DPP9: variants seen among roughly 807,000 people sequenced by gnomAD.
DPP9 encodes dipeptidyl peptidase IV-related protein-2.
A neutral mutation model predicts 110.7 loss-of-function variants in DPP9; 50 were observed. That is an observed-to-expected ratio of 0.45 (90% CI 0.36 to 0.57). The LOEUF is 0.57. DPP9 is among the 20% of genes least tolerant of loss of function. DPP9 has a pLI of 0.00. For missense variants in DPP9, 1,022 were observed against 1,217.9 expected, an observed-to-expected ratio of 0.84 and a Z score of 2.39; for synonymous variants, 561 against 514.4, an observed-to-expected ratio of 1.09 and a Z score of -1.23.
chr19:4,723,365 C>T (rs2093406570), intron 1 of DPP9, among the ~76,000 whole-genome samples: 1 of 152,156 alleles, frequency 6.6e-6, no homozygotes, highest in South Asian at 2.1e-4. Flanking sequence ...CGGCCACCTC[C>T]GGAAGGGGTC....
rs984810481 is a variant in DPP9 at position 4,689,600 on chromosome 19, G to A, written c.1719C>T (p.Pro573=). ...TCATGGAGCAGCTATGGGAGAAGCC[G>A]GGCGTGGTGAGGCGTACGATCTCGC... is the stretch of plus-strand genomic sequence containing the variant. ...AAGEIVRLTT[P]GFSHSCSMSQ... Residue 573 remains proline (P), a synonymous_variant, in exon 15 of 22, where the codon CCC becomes CCT. Transcript: ENST00000262960. The surrounding 1 kb of genome is among the most constrained non-coding windows in gnomAD (Gnocchi z 7.0). 19 of 1,572,118 alleles carry A rather than the reference G, an allele frequency of 1.2e-5. No individual in the cohort carries two copies. The highest frequency in any genetic ancestry group is 7.1e-5 in the East Asian group (3 of 42,476).
chr19:4,690,761 G>A (rs2091240952), intron 14 of DPP9, 117 bp downstream of exon 14: 1 of 836,234 alleles, frequency 1.2e-6, no homozygotes, highest in Admixed American at 2.1e-5. Flanking sequence ...GTGTATGTGT[G>A]AGAATGAGTA....
At position 4,704,329 on chromosome 19, in the gene DPP9, G is replaced by C; in HGVS notation, c.427-25C>G. 6.3e-7 allele frequency: 1 copy of C among 1,592,458 alleles called. No individual in the cohort carries two copies. The highest frequency in any genetic ancestry group is 8.6e-7 in the Non-Finnish European group (1 of 1,167,764). On this transcript the variant is annotated intron_variant, in intron 5 of 21. Transcript: ENST00000262960. This position sits in a 1 kb window ranked among gnomAD's most constrained non-coding sequence, Gnocchi z 6.0. The stretch of plus-strand genomic sequence containing the variant: ...CCTGGAAACATACAGGGGACAGGGG[G>C]CAGCGTCAGTGGGCAAAGAGGATCT...
chr19:4,692,349 G>A (rs1471315781), intron 13 of DPP9, among the ~76,000 whole-genome samples: 2 of 152,166 alleles, frequency 1.3e-5, no homozygotes, highest in South Asian at 2.1e-4. Context: ...TACGGCAAAC[G>A]TGTCTGTCAG....
rs767892851 is a variant in DPP9 at position 4,705,902 on chromosome 19, C to A, written c.382G>T (p.Ala128Ser). ...TGCTTCCAGGACAGGAGCAGCAGAG[C>A]CTCTTTCCGGACCTTCTTGGGAATC... Reference protein sequence around the residue: ...SEIPKKVRKEALLLLSWKQML... With the variant: ...SEIPKKVRKESLLLLSWKQML... Residue 128 changes from alanine to serine, a missense_variant, in exon 5 of 22, where the codon GCT becomes TCT. Physicochemically the swap from Ala to Ser is moderately conservative, Grantham distance 99. Coordinates refer to ENST00000262960, the MANE Select transcript of DPP9 (RefSeq NM_139159.5). 6.2e-7 allele frequency: 1 copy of A among 1,613,992 alleles called. No individual in the cohort carries two copies. The highest frequency in any genetic ancestry group is 8.5e-7 in the Non-Finnish European group (1 of 1,179,854).
rs1599924956 is a variant in DPP9 at position 4,704,772 on chromosome 19, G to A, written c.427-468C>T. Among the ~76,000 whole-genome samples the A allele has an allele frequency of 6.6e-6, 1 of 152,280 alleles. No homozygotes were observed. Among genetic ancestry groups the A allele is most frequent in the East Asian group, 1.9e-4 (1 of 5,182 alleles). On this transcript the variant is annotated intron_variant, in intron 5 of 21. Coordinates refer to ENST00000262960, the MANE Select transcript of DPP9 (RefSeq NM_139159.5). The surrounding 1 kb of genome is among the most constrained non-coding windows in gnomAD (Gnocchi z 6.0). ...TCCCAGCACTTTGGGAGGCCGAGGT[G>A]GGCAGATCACGAGGTCAGAAATTCG...
chr19:4,709,464 C>T (rs778052903), intron 4 of DPP9, among the ~76,000 whole-genome samples: 13 of 152,094 alleles, frequency 8.5e-5, no homozygotes, highest in Non-Finnish European at 1.8e-4. Context: ...AGCAAAAGAA[C>T]GCAAGTGCTG....
rs1451173537 is a variant in DPP9, at chr19:4,714,221, T to C, written c.173A>G (p.His58Arg). The change falls in exon 4 of 22, where the codon CAC (histidine) becomes CGC (arginine). Residue 58 changes from histidine to arginine, a missense_variant. Physicochemically the swap from His to Arg is conservative, Grantham distance 29. Transcript: ENST00000262960. ...DPAARFQVQK[H>R]SWDGLRSIIH... ...GATGCTCCGGAGCCCGTCCCACGAG[T>C]GCTTCTGCACCTGGAAGCGGGCGGC... The C allele has an allele frequency of 2.5e-6, 4 of 1,603,358 alleles. No homozygotes were observed. Among genetic ancestry groups the C allele is most frequent in the Non-Finnish European group, 3.4e-6 (4 of 1,175,708 alleles).
At position 4,704,871 on chromosome 19, in the gene DPP9, C is replaced by T. The variant is rs570488303; in HGVS notation, c.427-567G>A. ...AAAATTAGCCGGGTGTGGTGGCACG[C>T]GCCTGTAGTCCCAGCTACTTGGGAC... On this transcript the variant is annotated intron_variant, in intron 5 of 21. Coordinates refer to ENST00000262960, the MANE Select transcript of DPP9 (RefSeq NM_139159.5). This position sits in a 1 kb window ranked among gnomAD's most constrained non-coding sequence, Gnocchi z 6.0. Among the ~76,000 whole-genome samples, 5 of 152,246 alleles carry T rather than the reference C, an allele frequency of 3.3e-5. No homozygotes were observed. The highest frequency in any genetic ancestry group is 2.1e-4 in the South Asian group (1 of 4,822).
intron 11 of DPP9, among the ~76,000 whole-genome samples, chr19:4,696,121 G>A (rs1049422329): frequency 2.0e-5 from 3 of 152,034 alleles, no homozygotes; most frequent in African/African-American, 7.2e-5. Flanking sequence ...GGCTAGTCTC[G>A]AACTCCTGAC....
rs1348529418 is a variant in DPP9 at position 4,704,051 on chromosome 19, A to G, written c.604T>C (p.Ser202Pro). The G allele has an allele frequency of 6.2e-7, 1 of 1,613,814 alleles. No individual in the cohort carries two copies. Among genetic ancestry groups the G allele is most frequent in the Non-Finnish European group, 8.5e-7 (1 of 1,179,828 alleles). The change falls in exon 7 of 22, where the codon TCC (serine) becomes CCC (proline). Residue 202 changes from serine (S) to proline (P), a missense_variant. This residue lies in a region of DPP9 where 810 missense variants were observed against 920.6 expected (regional missense o/e 0.88). Coordinates refer to ENST00000262960, the MANE Select transcript of DPP9 (RefSeq NM_139159.5). The surrounding 1 kb of genome is among the most constrained non-coding windows in gnomAD (Gnocchi z 6.0). ...TTGATTTCCAGCGGTTTCATAGGGG[A>G]CACCTGAGGACAGAGACGCCCAGCT... is the stretch of plus-strand genomic sequence containing the variant. The part of the protein sequence containing the change: ...RDGGKNGFMV[S>P]PMKPLEIKTQ...
rs939131554 is a variant in DPP9, at chr19:4,694,041, C to T, written c.1516+620G>A. On this transcript the variant is annotated intron_variant, in intron 13 of 21. Coordinates refer to ENST00000262960, the MANE Select transcript of DPP9 (RefSeq NM_139159.5). This position sits in a 1 kb window ranked among gnomAD's most constrained non-coding sequence, Gnocchi z 4.0. ...GAAGGCCCCTCACCCTCAAGCCTCT[C>T]GCCCGACTGCATTTCCTTCCACCAC... 2.0e-5 allele frequency among the ~76,000 whole-genome samples: 3 copies of T among 151,254 alleles called. No individual in the cohort carries two copies. The highest frequency in any genetic ancestry group is 4.8e-5 in the African/African-American group (2 of 41,386).
rs1294303186 is a variant in DPP9 at position 4,675,384 on chromosome 19, C to G, written c.*1180G>C. ...CTTTTTACTTTTTTTTTTGCCCGCC[C>G]CTGGCAGAGCTCTTGGCGGGGAGGG... On this transcript the variant is annotated 3_prime_UTR_variant, in exon 22 of 22. Transcript: ENST00000262960. 6.6e-6 allele frequency: 1 copy of G among 150,666 alleles called. No homozygotes were observed. Among genetic ancestry groups the G allele is most frequent in the Non-Finnish European group, 1.5e-5 (1 of 67,718 alleles). The allele number at this position is 150,666 out of a possible 1,614,324, so 9.3% of individuals were successfully genotyped here.
intron 3 of DPP9, chr19:4,715,942 A>C (rs2093055307): frequency 6.6e-6 from 1 of 152,274 alleles, no homozygotes; most frequent in Non-Finnish European, 1.5e-5. Context: ...TTTGTTTTAC[A>C]GAAATCTAAA....
chr19:4,696,943 CAA>C (rs1435354560), intron 11 of DPP9, among the ~76,000 whole-genome samples: 1 of 152,002 alleles, frequency 6.6e-6, no homozygotes, highest in Non-Finnish European at 1.5e-5. Context: ...ATAAAAAATA[CAA>C]AACATTGGCC....
chr19:4,689,856 T>C lies in DPP9; in HGVS notation c.1597-134A>G. The C allele has an allele frequency of 9.8e-7, 1 of 1,021,238 alleles. No homozygotes were observed. Among genetic ancestry groups the C allele is most frequent in the Non-Finnish European group, 1.4e-6 (1 of 727,012 alleles). The allele number at this position is 1,021,238 out of a possible 1,614,324, so 63.3% of individuals were successfully genotyped here. Reference sequence around the variant, plus strand: ...TGCTGTCCTCGCCCAAGTCTGGCTTTAGGGCTGGAGATGAACCATCCCTGA... The same window carrying C: ...TGCTGTCCTCGCCCAAGTCTGGCTTCAGGGCTGGAGATGAACCATCCCTGA... On this transcript the variant is annotated intron_variant, in intron 14 of 21. Transcript: ENST00000262960. This position sits in a 1 kb window ranked among gnomAD's most constrained non-coding sequence, Gnocchi z 7.0.
At chr19:4,707,044 G>C (rs79945697) in intron 4 of DPP9, among the ~76,000 whole-genome samples, 4 of 152,132 alleles carry the variant, frequency 2.6e-5, no homozygotes, top group Non-Finnish European at 5.9e-5. Flanking sequence ...GAATCACCCC[G>C]ACCTCAAACC....
At chr19:4,688,974 C>A in intron 15 of DPP9, 82 bp from the exon 16 acceptor site, 1 of 1,432,834 alleles carries the variant, frequency 7.0e-7, no homozygotes. Context: ...TCCAGGGTAG[C>A]TTCCCTCCCG....
Position 4,679,850 on chromosome 19 carries a change from T to C in DPP9, c.2571A>G (p.Lys857=). 1 of 1,611,396 alleles carries C rather than the reference T, an allele frequency of 6.2e-7. No homozygotes were observed. Among genetic ancestry groups the C allele is most frequent in the South Asian group, 1.1e-5 (1 of 90,646 alleles). The change falls in exon 21 of 22, where the codon AAA becomes AAG. Residue 857 remains lysine, a synonymous_variant. Transcript: ENST00000262960. The part of the protein sequence containing the change: ...FLVSQLIRAG[K]PYQLQIYPNE... ...AGCCACCCACCTGGAGCTGGTAAGG[T>C]TTCCCTGCTCGGATCAGTTGGGAGA...
Sources: gnomAD v4.1 joint callset for allele counts (sites outside exome capture counted in the v4.1 genomes callset) on GRCh38, gnomAD v4.1.1 for gene constraint, gnomAD v4.1.1 regional missense constraint, Gnocchi (gnomAD v3.1) non-coding constraint, MANE v1.5 for transcripts, NCBI Gene and HGNC (gene_info 2026-07-23, HGNC 2026-07-21) for gene names.